SPEF2: variants seen among roughly 807,000 people sequenced by gnomAD.
SPEF2 encodes sperm flagellar and cilia associated 2, also known as sperm flagella and cilia-associated protein 2.
In SPEF2, 187 loss-of-function variants were observed where a neutral mutation model predicts 224.6. The ratio of observed to expected loss-of-function variants is 0.83; its 90% confidence interval spans 0.74 to 0.94. SPEF2 has a LOEUF of 0.94. Among genes scored for constraint, SPEF2 ranks in the 40% least tolerant of loss-of-function variants. SPEF2 has a pLI of 0.00. For synonymous variants in SPEF2, 715 were observed against 707.3 expected (o/e 1.01, Z -0.17); for missense variants, 2,170 against 2,135.6 (o/e 1.02, Z -0.32).
rs78551106 is a variant in SPEF2 at position 35,691,532 on chromosome 5, T to C, written c.1744+276T>C. Among the ~76,000 whole-genome samples the C allele has an allele frequency of 9.0e-3, 1,368 of 152,298 alleles. 17 individuals carry two copies. Among genetic ancestry groups the C allele is most frequent in the African/African-American group, 0.032 (1,331 of 41,558 alleles). On this transcript the variant is annotated intron_variant, in intron 11 of 36. Transcript: ENST00000356031. Reference sequence around the variant, plus strand: ...GTCACATAGTGTATGAGCCCATTTGTATGAAATATCCAAAATAGGCAAATC... The same window carrying C: ...GTCACATAGTGTATGAGCCCATTTGCATGAAATATCCAAAATAGGCAAATC...
intron 12 of SPEF2, 51 bp downstream of exon 12, chr5:35,692,775 G>A (rs1294651214): frequency 6.4e-7 from 1 of 1,553,430 alleles, no homozygotes; most frequent in Admixed American, 1.9e-5. Flanking sequence ...TAGAGATTTG[G>A]AGCTGGATGG....
chr5:35,628,549 T>A lies in SPEF2; in HGVS notation c.148T>A (p.Phe50Ile). 2 of 1,609,192 alleles carry A rather than the reference T, an allele frequency of 1.2e-6. No homozygotes were observed. The highest frequency in any genetic ancestry group is 1.7e-6 in the Non-Finnish European group (2 of 1,175,740). Residue 50 changes from phenylalanine (F) to isoleucine (I), a missense_variant, in exon 2 of 37, where the codon TTT becomes ATT. By Grantham distance (21) the Phe-to-Ile change is conservative (BLOSUM62 0). Coordinates refer to ENST00000356031, the MANE Select transcript of SPEF2 (RefSeq NM_024867.4). ...TGAACTTCAGGATGATTTTTCAGAA[T>A]TTTTGGACAGCAGGTTAGTGAGATT... ...KFELQDDFSEFLDSRVSSAKL... is the reference protein window; with the variant it reads ...KFELQDDFSEILDSRVSSAKL...
chr5:35,663,012 A>G (rs1329282306), intron 8 of SPEF2, among the ~76,000 whole-genome samples: 13 of 152,188 alleles, frequency 8.5e-5, no homozygotes, highest in Admixed American at 8.5e-4. Flanking sequence ...TATTTGTATT[A>G]CTTATTTTAA....
chr5:35,774,781 T>G (rs534248876), intron 28 of SPEF2, among the ~76,000 whole-genome samples: 15 of 152,256 alleles, frequency 9.9e-5, no homozygotes, highest in African/African-American at 3.6e-4. Flanking sequence ...TTCCATCCCT[T>G]GTTTCTCTCA....
chr5:35,663,533 C>T (rs1750019578), intron 8 of SPEF2, among the ~76,000 whole-genome samples: 1 of 152,136 alleles, frequency 6.6e-6, no homozygotes, highest in South Asian at 2.1e-4. Flanking sequence ...CTTCCATACC[C>T]AAAATATCCA....
At chr5:35,695,845 T>C (rs1580321159) in intron 14 of SPEF2, 49 bp downstream of exon 14, 1 of 1,402,392 alleles carries the variant, frequency 7.1e-7, no homozygotes, top group Non-Finnish European at 9.9e-7. Context: ...AAACCTGTCA[T>C]GATTAATGGT....
intron 20 of SPEF2, among the ~76,000 whole-genome samples, chr5:35,719,516 G>A (rs1211391440): frequency 6.6e-6 from 1 of 152,154 alleles, no homozygotes. Context: ...TTAAAGCCAA[G>A]CCCAACCATG....
At chr5:35,659,341 C>A in intron 8 of SPEF2, 134 bp downstream of exon 8, 1 of 818,686 alleles carries the variant, frequency 1.2e-6, no homozygotes, top group African/African-American at 1.7e-5. Flanking sequence ...CTGTTATCTG[C>A]CCATTTTTAT....
At chr5:35,788,476 C>A (rs934822830) in intron 30 of SPEF2, 1 of 702,592 alleles carries the variant, frequency 1.4e-6, no homozygotes, top group Admixed American at 2.0e-5. Flanking sequence ...GAATCATAGA[C>A]AGTTTAATCA....
chr5:35,756,844 A>C (rs1750520390), intron 24 of SPEF2, among the ~76,000 whole-genome samples: 1 of 152,186 alleles, frequency 6.6e-6, no homozygotes, highest in Non-Finnish European at 1.5e-5. Flanking sequence ...GCCCTGCAGG[A>C]AGGAAATCCT....
chr5:35,797,020 G>A (rs766972458), intron 33 of SPEF2, among the ~76,000 whole-genome samples: 6 of 152,116 alleles, frequency 3.9e-5, no homozygotes, highest in Admixed American at 1.3e-4. Context: ...GAACAAATCT[G>A]CCATCAACAT....
rs141397857 is a variant in SPEF2 at position 35,694,946 on chromosome 5, A to T, written c.1975+583A>T. The stretch of plus-strand genomic sequence containing the variant: ...GAAGGAAAACAATTTTAAGTATTAA[A>T]TATTTTTTCCTGTATGTGCTAGTGA... On this transcript the variant is annotated intron_variant, in intron 13 of 36. Coordinates refer to ENST00000356031, the MANE Select transcript of SPEF2 (RefSeq NM_024867.4). 8.3e-4 allele frequency among the ~76,000 whole-genome samples: 127 copies of T among 152,288 alleles called. No homozygotes were observed. The East Asian group carries it at 0.022, about 26-fold the overall frequency.
intron 24 of SPEF2, among the ~76,000 whole-genome samples, chr5:35,759,005 CA>C (rs57893412): frequency 2.1e-4 from 11 of 51,354 alleles, no homozygotes; most frequent in African/African-American, 6.2e-4. Context: ...GACTCTGTCT[CA>C]AAAAAAAAAA....
At chr5:35,771,199 G>T (rs1198584370) in intron 26 of SPEF2, among the ~76,000 whole-genome samples, 1 of 151,940 alleles carries the variant, frequency 6.6e-6, no homozygotes, top group African/African-American at 2.4e-5. Context: ...ATCAAAAAAG[G>T]TTAAGAAACA....
In SPEF2 at chr5:35,689,508, A is replaced by G. The variant is rs774566057; in HGVS notation, c.1525-1529A>G. Among the ~76,000 whole-genome samples, 30 of 151,920 alleles carry G rather than the reference A, an allele frequency of 2.0e-4. 1 individual carries two copies. The highest frequency in any genetic ancestry group is 1.4e-3 in the Admixed American group (21 of 15,232). On this transcript the variant is annotated intron_variant, in intron 10 of 36. Transcript: ENST00000356031. ...GCTTTTTAGCCCTTGCACTCTCCCC[A>G]TCTCCTCCCTCTAGTAGTCCCCAGT...
chr5:35,706,570 G>A (rs983146362), intron 18 of SPEF2, among the ~76,000 whole-genome samples: 6 of 151,858 alleles, frequency 4.0e-5, no homozygotes, highest in Admixed American at 1.3e-4. Context: ...AATTATATTG[G>A]CAACTACTGT....
chr5:35,727,814 A>G lies in SPEF2; in HGVS notation c.3054A>G (p.Pro1018=). ...AAGAATGGGTCTATGTGAATGAACC[A>G]GTTCCTGAGGTATGGCCATTTAGAA... ...GSEEWVYVNE[P]VPEEMPLFLV... The change falls in exon 21 of 37, where the codon CCA becomes CCG. Residue 1018 remains proline, a synonymous_variant. Coordinates refer to ENST00000356031, the MANE Select transcript of SPEF2 (RefSeq NM_024867.4). The G allele has an allele frequency of 1.2e-6, 2 of 1,612,358 alleles. No individual in the cohort carries two copies. The highest frequency in any genetic ancestry group is 1.7e-6 in the Non-Finnish European group (2 of 1,179,340).
intron 5 of SPEF2, among the ~76,000 whole-genome samples, chr5:35,649,075 G>A (rs552665120): frequency 1.8e-4 from 28 of 151,742 alleles, no homozygotes; most frequent in Admixed American, 1.6e-3. Context: ...TGTATGTCCT[G>A]ACTCTTTGAT....
intron 24 of SPEF2, among the ~76,000 whole-genome samples, chr5:35,757,237 G>T (rs1276182280): frequency 2.0e-5 from 3 of 151,840 alleles, no homozygotes; most frequent in African/African-American, 7.3e-5. Flanking sequence ...ATCTTATTCA[G>T]ATTTAGTTAA....
Sources: allele counts gnomAD v4.1 joint callset (sites outside exome capture counted in the v4.1 genomes callset), GRCh38; gene constraint gnomAD v4.1.1; transcripts MANE v1.5; gene names NCBI Gene and HGNC (gene_info 2026-07-23, HGNC 2026-07-21).